PTPRD: variants seen among roughly 807,000 people sequenced by gnomAD.
The protein encoded by PTPRD is receptor-type tyrosine-protein phosphatase delta.
PTPRD carries 34 observed loss-of-function variants against 214.5 expected under a neutral mutation model. The observed-to-expected ratio is 0.16, with a 90% confidence interval of 0.12 to 0.21. PTPRD has a LOEUF of 0.21. Ranked by LOEUF, PTPRD falls within the 10% of genes least tolerant of loss-of-function variation. PTPRD has a pLI of 1.00. For missense variants in PTPRD, 2,545 were observed against 2,398.7 expected, an observed-to-expected ratio of 1.06 and a Z score of -1.27; for synonymous variants, 1,128 against 845.7, an observed-to-expected ratio of 1.33 and a Z score of -5.79.
At chr9:10,503,213 A>AAAAAAAAC (rs1555437452) in intron 2 of PTPRD, among the ~76,000 whole-genome samples, 2 of 149,480 alleles carry the variant, frequency 1.3e-5, no homozygotes, top group African/African-American at 5.0e-5. Context: ...AAAAACAAAA[A>AAAAAAAAC]AAAACACCAT....
At chr9:8,693,593 A>C (rs962080176) in intron 12 of PTPRD, among the ~76,000 whole-genome samples, 1 of 152,236 alleles carries the variant, frequency 6.6e-6, no homozygotes, top group African/African-American at 2.4e-5. Flanking sequence ...AGGGGTGTAC[A>C]TCAATCAACT....
intron 9 of PTPRD, among the ~76,000 whole-genome samples, chr9:9,396,592 T>C (rs1569567972): frequency 6.6e-6 from 1 of 152,058 alleles, no homozygotes; most frequent in African/African-American, 2.4e-5. Context: ...AAAATTGTTA[T>C]CTTCCTGCCA....
chr9:9,996,074 C>T (rs909097125), intron 4 of PTPRD, among the ~76,000 whole-genome samples: 3 of 151,738 alleles, frequency 2.0e-5, no homozygotes, highest in Admixed American at 2.0e-4. Context: ...TTTCCCTTTC[C>T]TTCATTTGAA....
chr9:10,150,396 C>A (rs919053730), intron 3 of PTPRD, among the ~76,000 whole-genome samples: 3 of 151,976 alleles, frequency 2.0e-5, no homozygotes, highest in African/African-American at 7.2e-5. Context: ...TCATTCTGAG[C>A]AAACCATTGC....
chr9:10,483,389 A>C (rs2099112968), intron 2 of PTPRD, among the ~76,000 whole-genome samples: 1 of 152,134 alleles, frequency 6.6e-6, no homozygotes, highest in Non-Finnish European at 1.5e-5. Flanking sequence ...ATTTATGATG[A>C]AGACCCCAAA....
At chr9:10,135,118 A>G (rs555965385) in intron 3 of PTPRD, among the ~76,000 whole-genome samples, 17 of 152,328 alleles carry the variant, frequency 1.1e-4, no homozygotes, top group Middle Eastern at 3.4e-3. Context: ...CAACCTGAGG[A>G]AAGAATCTCA....
intron 11 of PTPRD, among the ~76,000 whole-genome samples, chr9:8,921,037 T>C (rs201301478): frequency 1.3e-5 from 2 of 151,964 alleles, no homozygotes; most frequent in South Asian, 2.1e-4. Flanking sequence ...TGGTCTTGAA[T>C]TCCTGACCTC....
chr9:10,025,095 G>T (rs1266441596), intron 4 of PTPRD, among the ~76,000 whole-genome samples: 1 of 151,932 alleles, frequency 6.6e-6, no homozygotes, highest in Non-Finnish European at 1.5e-5. Context: ...AAACATACGT[G>T]TGCATGTGTC....
chr9:8,533,299 G>C (rs138154231), intron 14 of PTPRD, among the ~76,000 whole-genome samples: 246 of 152,048 alleles, frequency 1.6e-3, no homozygotes, highest in African/African-American at 5.9e-3. Flanking sequence ...AATTCAACCA[G>C]ACTAGTCCTT....
At chr9:9,431,338 T>A (rs1173894492) in intron 8 of PTPRD, among the ~76,000 whole-genome samples, 2 of 151,978 alleles carry the variant, frequency 1.3e-5, no homozygotes, top group African/African-American at 2.4e-5. Context: ...GAAATACAAA[T>A]CAAAACCACA....
chr9:8,443,815 G>A (rs1461692101), intron 34 of PTPRD, among the ~76,000 whole-genome samples: 1 of 152,032 alleles, frequency 6.6e-6, no homozygotes, highest in African/African-American at 2.4e-5. Context: ...TCTTTGTACT[G>A]AAAAGAAAGT....
intron 3 of PTPRD, among the ~76,000 whole-genome samples, chr9:10,276,395 G>C (rs996906883): frequency 1.3e-5 from 2 of 152,114 alleles, no homozygotes; most frequent in Non-Finnish European, 2.9e-5. Flanking sequence ...CATTAAAAGA[G>C]AACTCAGTTG....
intron 5 of PTPRD, among the ~76,000 whole-genome samples, chr9:9,881,913 G>C (rs1329795289): frequency 6.6e-6 from 1 of 152,052 alleles, no homozygotes; most frequent in African/African-American, 2.4e-5. Context: ...AAATGTGAAA[G>C]ACCATAGGGG....
chr9:9,939,441 T>C (rs902490292), intron 4 of PTPRD, among the ~76,000 whole-genome samples: 3 of 152,138 alleles, frequency 2.0e-5, no homozygotes. Context: ...TCCCCAAGAT[T>C]TGGAGTTTGT....
rs1393767211 is a variant in PTPRD, at chr9:8,316,780, G to C, written c.*1094C>G. 4.3e-6 allele frequency: 1 copy of C among 230,598 alleles called. No individual in the cohort carries two copies. Among genetic ancestry groups the C allele is most frequent in the African/African-American group, 2.2e-5 (1 of 44,554 alleles). 14.3% of individuals were successfully genotyped at this position (230,598 alleles called of 1,614,324 possible). ...AGGTTTGACAATCAATCACTGATGT[G>C]CATTCCTCATTTCCCTTTAAAGAAA... On this transcript the variant is annotated 3_prime_UTR_variant, in exon 46 of 46. Coordinates refer to ENST00000381196, the MANE Select transcript of PTPRD (RefSeq NM_002839.4).
intron 3 of PTPRD, among the ~76,000 whole-genome samples, chr9:10,266,427 A>T (rs553949403): frequency 1.3e-5 from 2 of 152,320 alleles, no homozygotes; most frequent in East Asian, 3.9e-4. Flanking sequence ...GGATGAGGCT[A>T]AGGAACATGG....
chr9:9,208,935 G>A (rs1035106159), intron 9 of PTPRD, among the ~76,000 whole-genome samples: 2 of 151,882 alleles, frequency 1.3e-5, no homozygotes, highest in African/African-American at 4.8e-5. Flanking sequence ...AGCCTCCCGA[G>A]TAGCTGGAAC....
intron 2 of PTPRD, among the ~76,000 whole-genome samples, chr9:10,524,795 C>T (rs777552571): frequency 2.0e-5 from 3 of 151,920 alleles, no homozygotes; most frequent in African/African-American, 4.8e-5. Flanking sequence ...TAAATTCATA[C>T]TATTATAGGC....
chr9:9,717,536 T>C (rs2097856238), intron 7 of PTPRD, among the ~76,000 whole-genome samples: 1 of 152,228 alleles, frequency 6.6e-6, no homozygotes, highest in African/African-American at 2.4e-5. Flanking sequence ...TTTGTTTACA[T>C]TACTTTTGTG....
Sources: allele counts gnomAD v4.1 joint callset (sites outside exome capture counted in the v4.1 genomes callset), GRCh38; gene constraint gnomAD v4.1.1; transcripts MANE v1.5; gene names NCBI Gene and HGNC (gene_info 2026-07-23, HGNC 2026-07-21).